CHODL: variants seen among roughly 807,000 people sequenced by gnomAD.
CHODL encodes the protein chondrolectin, also known as transmembrane protein MT75.
A neutral mutation model predicts 34.5 loss-of-function variants in CHODL; 29 were observed. The ratio of observed to expected loss-of-function variants is 0.84; its 90% CI spans 0.63 to 1.15. The LOEUF is 1.15. CHODL is among the 50% of genes most tolerant of loss of function. The pLI is 0.00. For synonymous variants in CHODL, 125 were observed against 116.1 expected, an observed-to-expected ratio of 1.08 and a Z score of -0.49; for missense variants, 332 against 332.5, an observed-to-expected ratio of 1.00 and a Z score of 0.01.
intron 1 of CHODL, among the ~76,000 whole-genome samples, chr21:17,987,801 A>G (rs982558152): frequency 1.3e-5 from 2 of 152,146 alleles, no homozygotes; most frequent in African/African-American, 2.4e-5. Context: ...TCAGTCTCTT[A>G]TGATCTATCA....
In CHODL at chr21:18,085,863, G is replaced by T. The variant is rs554161023; in HGVS notation, c.-45+57892G>T. The stretch of plus-strand genomic sequence containing the variant: ...TCCTTTTAGAATATATTTGACTGGG[G>T]ATTGGTGGGCCTTCTATGTCTGGAT... On this transcript the variant is annotated intron_variant, in intron 2 of 6. Coordinates refer to the CHODL transcript ENST00000400127. Among the ~76,000 whole-genome samples, 21 of 152,126 alleles carry T rather than the reference G, an allele frequency of 1.4e-4. No homozygotes were observed. In the South Asian group the frequency reaches 4.4e-3, roughly 32 times the overall value.
intron 1 of CHODL, among the ~76,000 whole-genome samples, chr21:17,926,136 TA>T (rs1387555539): frequency 6.6e-6 from 1 of 152,164 alleles, no homozygotes; most frequent in Non-Finnish European, 1.5e-5. Context: ...ATGAAAATCT[TA>T]AAAAGCTGAT....
chr21:18,247,947 G>A (rs2074162696), intron 1 of CHODL, among the ~76,000 whole-genome samples: 1 of 151,768 alleles, frequency 6.6e-6, no homozygotes, highest in Non-Finnish European at 1.5e-5. Flanking sequence ...TAAGTTGGGA[G>A]GATATGTTTG....
rs61176066 is a variant in CHODL, at chr21:18,151,082, CA to C, written c.-44-105404del. ...TGGGCGACAGAGCGAGACTCTGTGT[CA>C]AAAAAAAAAAAAAAAAAAAAAAGAA... On this transcript the variant is annotated intron_variant, in intron 2 of 6. Transcript: ENST00000400127. 1.4e-3 allele frequency among the ~76,000 whole-genome samples: 167 copies of C among 122,986 alleles called. 1 individual carries two copies. Among genetic ancestry groups the C allele is most frequent in the African/African-American group, 5.0e-3 (149 of 30,026 alleles). The allele number at this position is 122,986 out of a possible 152,430, so 80.7% of individuals were successfully genotyped here.
chr21:18,166,974 T>A (rs1197445428), intron 2 of CHODL, among the ~76,000 whole-genome samples: 1 of 152,152 alleles, frequency 6.6e-6, no homozygotes, highest in Non-Finnish European at 1.5e-5. Flanking sequence ...AGTAATTCTG[T>A]GGAATTTTTT....
intron 2 of CHODL, among the ~76,000 whole-genome samples, chr21:18,060,982 G>C (rs144790137): frequency 6.6e-6 from 1 of 152,172 alleles, no homozygotes; most frequent in Non-Finnish European, 1.5e-5. Flanking sequence ...GTGTTCCAGC[G>C]TTGTATTTCC....
intron 1 of CHODL, among the ~76,000 whole-genome samples, chr21:17,930,358 G>A (rs2063262280): frequency 6.6e-6 from 1 of 152,188 alleles, no homozygotes; most frequent in African/African-American, 2.4e-5. Flanking sequence ...CAGTTGTAGG[G>A]AGGGAACAGG....
At chr21:18,020,658 A>T (rs770256607) in intron 1 of CHODL, among the ~76,000 whole-genome samples, 36 of 152,204 alleles carry the variant, frequency 2.4e-4, no homozygotes, top group Admixed American at 7.2e-4. Flanking sequence ...ATTTTACTGC[A>T]TTTGTTATAG....
intron 1 of CHODL, among the ~76,000 whole-genome samples, chr21:17,926,856 A>G (rs1475743466): frequency 6.6e-6 from 1 of 151,952 alleles, no homozygotes; most frequent in Non-Finnish European, 1.5e-5. Flanking sequence ...TAAAAAGAAT[A>G]CTCTGGAACA....
chr21:18,033,283 ACT>A (rs2064269464), intron 2 of CHODL, among the ~76,000 whole-genome samples: 1 of 152,040 alleles, frequency 6.6e-6, no homozygotes, highest in Non-Finnish European at 1.5e-5. Context: ...CAGCTGGTAC[ACT>A]GAGTGAGGTA....
At chr21:18,220,865 T>G (rs1201141905) in intron 2 of CHODL, among the ~76,000 whole-genome samples, 1 of 152,166 alleles carries the variant, frequency 6.6e-6, no homozygotes, top group Non-Finnish European at 1.5e-5. Flanking sequence ...TAATGTGCCT[T>G]GGAGAGGATC....
At chr21:18,099,083 GT>G (rs2065177888) in intron 2 of CHODL, among the ~76,000 whole-genome samples, 1 of 152,080 alleles carries the variant, frequency 6.6e-6, no homozygotes, top group African/African-American at 2.4e-5. Flanking sequence ...GCTTGGAAGG[GT>G]AGTGGGGTGG....
At chr21:18,088,783 G>T (rs1195796798) in intron 2 of CHODL, among the ~76,000 whole-genome samples, 4 of 152,186 alleles carry the variant, frequency 2.6e-5, no homozygotes, top group African/African-American at 9.6e-5. Flanking sequence ...CCTGCATCCA[G>T]TAAGCCACCT....
At chr21:18,177,932 G>T (rs1407118184) in intron 2 of CHODL, among the ~76,000 whole-genome samples, 1 of 151,994 alleles carries the variant, frequency 6.6e-6, no homozygotes, top group Non-Finnish European at 1.5e-5. Context: ...CTATTTACTT[G>T]GTCCAAATAA....
At chr21:18,137,913 G>A (rs2072753030) in intron 2 of CHODL, among the ~76,000 whole-genome samples, 1 of 151,826 alleles carries the variant, frequency 6.6e-6, no homozygotes, top group African/African-American at 2.4e-5. Flanking sequence ...ATGTTTTGAT[G>A]TTTACCCACA....
At position 18,090,726 on chromosome 21, in the gene CHODL, GAA is replaced by G. The variant is rs5842674; in HGVS notation, c.-45+62774_-45+62775del. On this transcript the variant is annotated intron_variant, in intron 2 of 6. Transcript: ENST00000400127. ...CAGAAACTTGCTATTATAATTTCCAGAAAAAAAAAAAAAAAAAAAACTAAGGC... is the reference window on the plus strand; with the variant it reads ...CAGAAACTTGCTATTATAATTTCCAGAAAAAAAAAAAAAAAAAACTAAGGC... Among the ~76,000 whole-genome samples, 164 of 125,164 alleles carry G rather than the reference GAA, an allele frequency of 1.3e-3. 2 individuals carry two copies. The highest frequency in any genetic ancestry group is 0.011 in the South Asian group (38 of 3,574). 82.1% of individuals were successfully genotyped at this position (125,164 alleles called of 152,430 possible).
At chr21:18,082,712 A>G (rs2064956999) in intron 2 of CHODL, among the ~76,000 whole-genome samples, 1 of 152,144 alleles carries the variant, frequency 6.6e-6, no homozygotes, top group African/African-American at 2.4e-5. Context: ...GTAGAAATCT[A>G]TGGAACTTTG....
intron 1 of CHODL, among the ~76,000 whole-genome samples, chr21:17,918,125 A>T (rs1239842137): frequency 6.6e-6 from 1 of 152,102 alleles, no homozygotes; most frequent in Non-Finnish European, 1.5e-5. Context: ...GAAGAGGCTG[A>T]TACTGGTGGG....
intron 2 of CHODL, among the ~76,000 whole-genome samples, chr21:18,171,736 G>GTTTTTTTTTTT (rs71189587): frequency 5.5e-5 from 8 of 146,498 alleles, no homozygotes; most frequent in Non-Finnish European, 4.5e-5. Context: ...ATTCTCTTCA[G>GTTTTTTTTTTT]TTTTTTTTTT....
Sources: gnomAD v4.1 joint callset for allele counts (sites outside exome capture counted in the v4.1 genomes callset) on GRCh38, gnomAD v4.1.1 for gene constraint, MANE v1.5 for transcripts, NCBI Gene and HGNC (gene_info 2026-07-23, HGNC 2026-07-21) for gene names.